Variants in NR6A1 observed in about 807,000 individuals in gnomAD.
The protein encoded by NR6A1 is retinoic acid receptor-related testis-associated receptor.
In NR6A1, 7 loss-of-function variants were observed where a neutral mutation model predicts 59.1. The ratio of observed to expected loss-of-function variants is 0.12; its 90% CI spans 0.07 to 0.22. NR6A1 has a LOEUF of 0.22. Among genes scored for constraint, NR6A1 ranks in the 10% least tolerant of loss-of-function variants. The probability of loss-of-function intolerance (pLI) is 1.00; values close to 1 mark genes in which losing one functional copy is unlikely to be tolerated. For synonymous variants in NR6A1, 243 were observed against 236.1 expected (o/e 1.03, Z -0.27); for missense variants, 468 against 611.6 (o/e 0.77, Z 2.48).
intron 2 of NR6A1, among the ~76,000 whole-genome samples, chr9:124,572,983 A>T (rs1210426044): frequency 6.6e-6 from 1 of 152,206 alleles, no homozygotes; most frequent in Non-Finnish European, 1.5e-5. Context: ...GCAACACGAG[A>T]CTTCATGGTC....
chr9:124,582,848 C>T (rs1251973014), intron 2 of NR6A1, among the ~76,000 whole-genome samples: 1 of 152,082 alleles, frequency 6.6e-6, no homozygotes, highest in Admixed American at 6.6e-5. Context: ...AGATTGCATA[C>T]TGCAAAAGAA....
intron 2 of NR6A1, among the ~76,000 whole-genome samples, chr9:124,574,206 A>C (rs751463635): frequency 8.5e-5 from 13 of 152,210 alleles, no homozygotes; most frequent in Non-Finnish European, 1.6e-4. Flanking sequence ...AATACTGTTG[A>C]ATGGGTATAT....
intron 2 of NR6A1, among the ~76,000 whole-genome samples, chr9:124,579,575 T>A (rs1327832365): frequency 6.6e-6 from 1 of 151,530 alleles, no homozygotes; most frequent in Non-Finnish European, 1.5e-5. Flanking sequence ...TAAAACTACA[T>A]GTTAGAATGG....
chr9:124,732,821 C>T (rs192989843), intron 2 of NR6A1, among the ~76,000 whole-genome samples: 2 of 151,932 alleles, frequency 1.3e-5, no homozygotes, highest in Admixed American at 6.6e-5. Flanking sequence ...CTCAGCCTCC[C>T]GAGTAGCTGG....
At chr9:124,679,844 C>G (rs1172835026) in intron 2 of NR6A1, among the ~76,000 whole-genome samples, 1 of 150,630 alleles carries the variant, frequency 6.6e-6, no homozygotes, top group Non-Finnish European at 1.5e-5. Flanking sequence ...TTGCAGTGAA[C>G]CAAGCTCATA....
chr9:124,695,767 A>T (rs115500052), intron 2 of NR6A1, among the ~76,000 whole-genome samples: 187 of 152,316 alleles, frequency 1.2e-3, no homozygotes, highest in African/African-American at 4.1e-3. Context: ...CATTCTAGGC[A>T]TTTATTTTTA....
chr9:124,540,165 C>T lies in NR6A1; in HGVS notation c.464G>A (p.Arg155Lys). Reference sequence around the variant, plus strand: ...CTCAAACTCCTGCCCAGACATGATCCTTTCGATTTCTTCTTCCGATATCTT... The same window carrying T: ...CTCAAACTCCTGCCCAGACATGATCTTTTCGATTTCTTCTTCCGATATCTT... ...PVQISEEEIE[R>K]IMSGQEFEEE... The change falls in exon 5 of 10, where the codon AGG becomes AAG. Residue 155 changes from arginine to lysine, a missense_variant. Physicochemically the swap from Arg to Lys is conservative, Grantham distance 26. This residue lies in a region of NR6A1 where 151 missense variants were observed against 142.8 expected (regional missense o/e 1.06). Transcript: ENST00000487099. 3 of 1,613,464 alleles carry T rather than the reference C, an allele frequency of 1.9e-6. No individual in the cohort carries two copies. Among genetic ancestry groups the T allele is most frequent in the Non-Finnish European group, 2.5e-6 (3 of 1,179,728 alleles).
At chr9:124,722,378 T>A (rs915172455) in intron 2 of NR6A1, among the ~76,000 whole-genome samples, 8 of 152,214 alleles carry the variant, frequency 5.3e-5, no homozygotes, top group African/African-American at 1.7e-4. Flanking sequence ...CATTTGGGCT[T>A]ATATAAACTA....
Position 124,590,061 on chromosome 9 carries a change from C to CAAAAAAAAAAAAAAAAAAAAA in NR6A1, c.143-35512_143-35492dup, listed in dbSNP as rs71372976. Among the ~76,000 whole-genome samples, 3 of 30,868 alleles carry CAAAAAAAAAAAAAAAAAAAAA rather than the reference C, an allele frequency of 9.7e-5. 1 individual carries two copies. The highest frequency in any genetic ancestry group is 2.1e-4 in the African/African-American group (2 of 9,568). The allele number at this position is 30,868 out of a possible 152,430, so 20.3% of individuals were successfully genotyped here. A position where few individuals can be genotyped will look rare whatever the true frequency, so the allele number is the denominator to read the frequency against. On this transcript the variant is annotated intron_variant, in intron 2 of 9. Coordinates refer to ENST00000487099, the MANE Select transcript of NR6A1 (RefSeq NM_033334.4). ...GCCTGGTGACAGAGCAAGACTCTGT[C>CAAAAAAAAAAAAAAAAAAAAA]AAAAAAAAAAAAAAAAAAAAAAAAA...
chr9:124,586,921 T>A (rs986347784), intron 2 of NR6A1, among the ~76,000 whole-genome samples: 1 of 152,230 alleles, frequency 6.6e-6, no homozygotes, highest in African/African-American at 2.4e-5. Flanking sequence ...AAGATTGACA[T>A]GAATTTTGAA....
At chr9:124,768,550 C>T (rs1841005657) in intron 1 of NR6A1, among the ~76,000 whole-genome samples, 1 of 152,216 alleles carries the variant, frequency 6.6e-6, no homozygotes, top group Non-Finnish European at 1.5e-5. Context: ...GCCCATCAAG[C>T]TGCCAAAAGT....
chr9:124,756,859 C>G (rs1056917440), intron 1 of NR6A1, among the ~76,000 whole-genome samples: 1 of 152,094 alleles, frequency 6.6e-6, no homozygotes, highest in Non-Finnish European at 1.5e-5. Flanking sequence ...TCTAGGGTGT[C>G]TCTGCCACCC....
At chr9:124,639,945 C>A (rs1836724905) in intron 2 of NR6A1, among the ~76,000 whole-genome samples, 1 of 152,174 alleles carries the variant, frequency 6.6e-6, no homozygotes, top group African/African-American at 2.4e-5. Context: ...GTACAAAACA[C>A]CCTGTCATAC....
chr9:124,660,374 A>T (rs2130940160), intron 2 of NR6A1, among the ~76,000 whole-genome samples: 1 of 152,332 alleles, frequency 6.6e-6, no homozygotes, highest in South Asian at 2.1e-4. Flanking sequence ...CCTACGAGTT[A>T]ATCCTTCCTA....
chr9:124,715,108 G>A (rs1413398507), intron 2 of NR6A1, among the ~76,000 whole-genome samples: 2 of 151,672 alleles, frequency 1.3e-5, no homozygotes, highest in Non-Finnish European at 2.9e-5. Context: ...TGAGGCAGGA[G>A]AATCGCTTGA....
chr9:124,555,937 G>T (rs138460325), intron 2 of NR6A1, among the ~76,000 whole-genome samples: 1 of 152,178 alleles, frequency 6.6e-6, no homozygotes, highest in Non-Finnish European at 1.5e-5. Flanking sequence ...AAAAGCTTTC[G>T]AAGGCAATGT....
At chr9:124,584,074 T>C (rs1000885193) in intron 2 of NR6A1, among the ~76,000 whole-genome samples, 1 of 150,966 alleles carries the variant, frequency 6.6e-6, no homozygotes, top group African/African-American at 2.4e-5. Flanking sequence ...TGCATGAGCA[T>C]ACATCATTTT....
chr9:124,641,064 C>G (rs868157943), intron 2 of NR6A1, among the ~76,000 whole-genome samples: 3 of 152,106 alleles, frequency 2.0e-5, no homozygotes, highest in Middle Eastern at 3.2e-3. Context: ...AAATAAAACA[C>G]AAAGTCGCCG....
chr9:124,700,781 G>C (rs1487296529), intron 2 of NR6A1, among the ~76,000 whole-genome samples: 1 of 97,318 alleles, frequency 1.0e-5, no homozygotes, highest in African/African-American at 4.4e-5. Context: ...TTTTTTTTGA[G>C]ACAAGTTCTC....
Sources: gnomAD v4.1 joint callset for allele counts (sites outside exome capture counted in the v4.1 genomes callset) on GRCh38, gnomAD v4.1.1 for gene constraint, gnomAD v4.1.1 regional missense constraint, MANE v1.5 for transcripts, NCBI Gene and HGNC (gene_info 2026-07-23, HGNC 2026-07-21) for gene names.